CRB1: variants seen among roughly 807,000 people sequenced by gnomAD.
CRB1 encodes the protein crumbs cell polarity complex component 1.
CRB1 carries 83 observed loss-of-function variants against 120.0 expected under a neutral mutation model. The ratio of observed to expected loss-of-function variants is 0.69; its 90% CI spans 0.58 to 0.83. The LOEUF (loss-of-function observed/expected upper bound fraction) is 0.83, where lower values mean the gene tolerates loss of function less well. CRB1 is among the 40% of genes least tolerant of loss of function. The probability of loss-of-function intolerance (pLI) is 0.00; values close to 1 mark genes in which losing one functional copy is unlikely to be tolerated. For synonymous variants in CRB1, 625 were observed against 612.5 expected, an observed-to-expected ratio of 1.02 and a Z score of -0.30; for missense variants, 1,699 against 1,687.6, an observed-to-expected ratio of 1.01 and a Z score of -0.12.
At chr1:197,433,765 T>C (rs1218940633) in intron 8 of CRB1, among the ~76,000 whole-genome samples, 1 of 152,052 alleles carries the variant, frequency 6.6e-6, no homozygotes, top group Non-Finnish European at 1.5e-5. Flanking sequence ...GAATAATATG[T>C]TTAAAAGGTG....
chr1:197,342,402 C>T (rs1659518968), intron 2 of CRB1, among the ~76,000 whole-genome samples: 1 of 152,164 alleles, frequency 6.6e-6, no homozygotes, highest in South Asian at 2.1e-4. Flanking sequence ...GCTCTCTAAA[C>T]ATTCTTGTTT....
chr1:197,341,369 C>T (rs758283808), intron 2 of CRB1, among the ~76,000 whole-genome samples: 1 of 151,942 alleles, frequency 6.6e-6, no homozygotes, highest in Non-Finnish European at 1.5e-5. Flanking sequence ...ATGGTGAAAC[C>T]CCATCTCTAC....
intron 11 of CRB1, among the ~76,000 whole-genome samples, chr1:197,454,584 C>G (rs2125537845): frequency 6.6e-6 from 1 of 152,214 alleles, no homozygotes; most frequent in African/African-American, 2.4e-5. Context: ...AGGCAACATA[C>G]AGAGTGGAGC....
At chr1:197,331,527 T>C (rs930644372) in intron 2 of CRB1, among the ~76,000 whole-genome samples, 1 of 152,162 alleles carries the variant, frequency 6.6e-6, no homozygotes, top group Non-Finnish European at 1.5e-5. Flanking sequence ...GGTGGAGTTA[T>C]GGCAGGTGAA....
At chr1:197,413,615 T>A (rs374432139) in intron 5 of CRB1, among the ~76,000 whole-genome samples, 21 of 152,334 alleles carry the variant, frequency 1.4e-4, no homozygotes, top group East Asian at 1.2e-3. Flanking sequence ...TTCCCAAAAT[T>A]CATTTCTTCA....
intron 1 of CRB1, among the ~76,000 whole-genome samples, chr1:197,277,704 A>G (rs1655291363): frequency 6.6e-6 from 1 of 151,976 alleles, no homozygotes; most frequent in African/African-American, 2.4e-5. Context: ...TAATTTTTAT[A>G]TGAGTTGTGT....
chr1:197,252,582 ATGTGTGTG>A, the CRB1 span, among the ~76,000 whole-genome samples: 348 of 15,394 alleles, frequency 0.023, 5 homozygotes, highest in Non-Finnish European at 0.032. Flanking sequence ...ATATATATAT[ATGTGTGTG>A]TGTGTGTGTG....
the CRB1 span, among the ~76,000 whole-genome samples, chr1:197,215,782 G>A: frequency 6.6e-6 from 1 of 152,156 alleles, no homozygotes; most frequent in Non-Finnish European, 1.5e-5. Flanking sequence ...ATGCAGAACT[G>A]TGAGTCAATT....
At chr1:197,248,873 A>G in the CRB1 span, among the ~76,000 whole-genome samples, 82 of 152,092 alleles carry the variant, frequency 5.4e-4, no homozygotes, top group Non-Finnish European at 1.0e-3. Context: ...AGATGTCTTA[A>G]AGTAGATCAT....
chr1:197,254,868 C>T, the CRB1 span, among the ~76,000 whole-genome samples: 1 of 152,046 alleles, frequency 6.6e-6, no homozygotes, highest in East Asian at 1.9e-4. Flanking sequence ...ACCTCAGTAA[C>T]ACATATATGC....
chr1:197,319,137 G>A (rs1658024962), intron 1 of CRB1, among the ~76,000 whole-genome samples: 2 of 151,186 alleles, frequency 1.3e-5, no homozygotes, highest in Admixed American at 1.3e-4. Flanking sequence ...ATATTATTGG[G>A]AAATTCTCTA....
intron 1 of CRB1, among the ~76,000 whole-genome samples, chr1:197,276,413 A>C (rs1215009934): frequency 6.6e-6 from 1 of 151,802 alleles, no homozygotes; most frequent in Non-Finnish European, 1.5e-5. Flanking sequence ...ATAAGTATTT[A>C]TTGAGGGCCG....
At chr1:197,226,066 A>G in the CRB1 span, among the ~76,000 whole-genome samples, 1 of 151,924 alleles carries the variant, frequency 6.6e-6, no homozygotes, top group South Asian at 2.1e-4. Flanking sequence ...ATGCCCAACT[A>G]ACTTTTGTAT....
At chr1:197,271,842 A>G (rs1041724561) in intron 1 of CRB1, among the ~76,000 whole-genome samples, 1 of 152,164 alleles carries the variant, frequency 6.6e-6, no homozygotes. Flanking sequence ...GGGGTAAACA[A>G]TATTTTCAAT....
chr1:197,323,332 A>G (rs778274069), intron 1 of CRB1, among the ~76,000 whole-genome samples: 4 of 152,210 alleles, frequency 2.6e-5, no homozygotes, highest in Non-Finnish European at 4.4e-5. Flanking sequence ...CTGCACCATC[A>G]TTATATAATT....
At chr1:197,307,707 A>C (rs2125265382) in intron 1 of CRB1, among the ~76,000 whole-genome samples, 1 of 152,318 alleles carries the variant, frequency 6.6e-6, no homozygotes, top group Non-Finnish European at 1.5e-5. Flanking sequence ...TACAGTTGTG[A>C]ATGATGAGTT....
chr1:197,370,745 G>T (rs1390720583), intron 5 of CRB1, among the ~76,000 whole-genome samples: 1 of 152,106 alleles, frequency 6.6e-6, no homozygotes, highest in African/African-American at 2.4e-5. Context: ...TCTTTGAACT[G>T]CACTGCTCAC....
intron 5 of CRB1, among the ~76,000 whole-genome samples, chr1:197,362,475 TC>T (rs896395629): frequency 6.6e-6 from 1 of 152,106 alleles, no homozygotes; most frequent in African/African-American, 2.4e-5. Context: ...GGTGTTAAAG[TC>T]CCCACCTATA....
At chr1:197,452,884 A>T (rs375787186) in intron 11 of CRB1, among the ~76,000 whole-genome samples, 1 of 152,214 alleles carries the variant, frequency 6.6e-6, no homozygotes, top group East Asian at 1.9e-4. Context: ...GATTCTGAGT[A>T]TATATACAAA....
Sources: gnomAD v4.1 joint callset for allele counts (sites outside exome capture counted in the v4.1 genomes callset) on GRCh38, gnomAD v4.1.1 for gene constraint, MANE v1.5 for transcripts, NCBI Gene and HGNC (gene_info 2026-07-23, HGNC 2026-07-21) for gene names.